Variants in C4orf51 observed in about 807,000 individuals in gnomAD.
C4orf51 encodes the protein chromosome 4 open reading frame 51.
Under a neutral mutation model 25.2 loss-of-function variants are expected in C4orf51, and 25 were observed. That is an observed-to-expected ratio of 0.99 (90% CI 0.72 to 1.39). C4orf51 has a LOEUF of 1.39. Ranked by LOEUF, C4orf51 falls within the 40% of genes most tolerant of loss-of-function variation. The pLI is 0.00. For missense variants in C4orf51, 252 were observed against 239.6 expected (o/e 1.05, Z -0.34); for synonymous variants, 100 against 84.5 (o/e 1.18, Z -1.01).
chr4:145,736,910 C>G (rs1488553609), downstream of C4orf51, among the ~76,000 whole-genome samples: 1 of 152,174 alleles, frequency 6.6e-6, no homozygotes, highest in Non-Finnish European at 1.5e-5. Flanking sequence ...AGAAGGCCTT[C>G]TGGGCAGAAT....
chr4:145,762,981 C>A lies in C4orf51; in HGVS notation n.167-8007C>A. On this transcript the variant is annotated intron_variant and non_coding_transcript_variant, in intron 1 of 1. Coordinates refer to the C4orf51 transcript ENST00000510096. The surrounding 1 kb of genome is among the most constrained non-coding windows in gnomAD (Gnocchi z 4.9). ...TGCACGGCCTCCTCAGCGCCAAGCT[C>A]GCCGTTAGCCTTTGAACCTCAGCTC... 9.1e-7 allele frequency: 1 copy of A among 1,101,848 alleles called. No individual in the cohort carries two copies. Among genetic ancestry groups the A allele is most frequent in the South Asian group, 1.5e-5 (1 of 65,902 alleles). The allele number at this position is 1,101,848 out of a possible 1,614,324, so 68.3% of individuals were successfully genotyped here. A position where few individuals can be genotyped will look rare whatever the true frequency, so the allele number is the denominator to read the frequency against.
downstream of C4orf51, chr4:145,774,684 G>T: frequency 6.2e-7 from 1 of 1,609,996 alleles, no homozygotes; most frequent in Non-Finnish European, 8.5e-7. Context: ...TACATGAAAG[G>T]GTAAAAGAAA....
chr4:145,772,755 A>T (rs1301267971), downstream of C4orf51, among the ~76,000 whole-genome samples: 1 of 152,260 alleles, frequency 6.6e-6, no homozygotes, highest in Non-Finnish European at 1.5e-5. Flanking sequence ...TGAATTAAAA[A>T]AGAAACTTCT....
intron 2 of C4orf51, among the ~76,000 whole-genome samples, chr4:145,718,112 TC>T (rs1159992162): frequency 5.9e-5 from 9 of 152,238 alleles, no homozygotes; most frequent in Non-Finnish European, 8.8e-5. Flanking sequence ...GTGCCCCACA[TC>T]TGTACTGCTC....
At chr4:145,689,140 CA>C (rs1409263383) in intron 1 of C4orf51, among the ~76,000 whole-genome samples, 1 of 151,966 alleles carries the variant, frequency 6.6e-6, no homozygotes, top group African/African-American at 2.4e-5. Context: ...AATTAAATAA[CA>C]AAGTGTAAAA....
At chr4:145,720,830 A>G in intron 2 of C4orf51, among the ~76,000 whole-genome samples, 1 of 152,130 alleles carries the variant, frequency 6.6e-6, no homozygotes, top group East Asian at 1.9e-4. Flanking sequence ...TCCCTCACCT[A>G]ATCACTGCTC....
chr4:145,762,223 A>G lies in C4orf51; in HGVS notation n.167-8765A>G, dbSNP rs1220354913. ...TGTGTACATATCTATGTACTCGTAA[A>G]ACATATCTCCCTACAGGACTAGCTC... On this transcript the variant is annotated intron_variant and non_coding_transcript_variant, in intron 1 of 1. Transcript: ENST00000510096. The surrounding 1 kb of genome is among the most constrained non-coding windows in gnomAD (Gnocchi z 4.9). Among the ~76,000 whole-genome samples, 2 of 152,004 alleles carry G rather than the reference A, an allele frequency of 1.3e-5. No homozygotes were observed. Among genetic ancestry groups the G allele is most frequent in the Admixed American group, 6.6e-5 (1 of 15,260 alleles).
chr4:145,776,644 A>G, the C4orf51 span, among the ~76,000 whole-genome samples: 118,254 of 151,884 alleles, frequency 0.78, 47,095 homozygotes, highest in African/African-American at 0.87. Context: ...TGTGTCAGTC[A>G]TGGGTGAGTG....
At chr4:145,778,421 A>G in the C4orf51 span, among the ~76,000 whole-genome samples, 1 of 152,232 alleles carries the variant, frequency 6.6e-6, no homozygotes, top group African/African-American at 2.4e-5. Context: ...GGCGTGAGCC[A>G]TCGCGCCCGA....
At chr4:145,774,750 C>G, downstream of C4orf51, 1 of 1,461,884 alleles carries the variant, frequency 6.8e-7, no homozygotes. Flanking sequence ...TCCATTTATA[C>G]ACAGTACACT....
chr4:145,708,518 A>C (rs1206233410), intron 2 of C4orf51, among the ~76,000 whole-genome samples: 1 of 152,188 alleles, frequency 6.6e-6, no homozygotes, highest in East Asian at 1.9e-4. Flanking sequence ...GGCATCCCCT[A>C]TTCATCCTTA....
At chr4:145,744,390 G>T (rs926413020) in intron 1 of C4orf51, among the ~76,000 whole-genome samples, 1 of 152,300 alleles carries the variant, frequency 6.6e-6, no homozygotes, top group Admixed American at 6.5e-5. Flanking sequence ...TACACATTTA[G>T]CTTCTTATCC....
chr4:145,684,762 T>C (rs1729042931), intron 1 of C4orf51, among the ~76,000 whole-genome samples: 1 of 152,056 alleles, frequency 6.6e-6, no homozygotes, highest in East Asian at 1.9e-4. Flanking sequence ...GAAAAACTGC[T>C]CTTAGAAAAA....
chr4:145,734,926 T>C (rs1053970533), downstream of C4orf51, among the ~76,000 whole-genome samples: 1 of 152,282 alleles, frequency 6.6e-6, no homozygotes. Context: ...TCGTCAACTT[T>C]TCTCCTTAGA....
chr4:145,684,080 C>G (rs889815246), intron 1 of C4orf51, among the ~76,000 whole-genome samples: 1 of 151,644 alleles, frequency 6.6e-6, no homozygotes, highest in East Asian at 1.9e-4. Context: ...CGAAAATATA[C>G]AAAGAACTCT....
At position 145,694,320 on chromosome 4, in the gene C4orf51, C is replaced by T. The variant is rs557278732; in HGVS notation, c.234-2239C>T. Among the ~76,000 whole-genome samples, 626 of 145,318 alleles carry T rather than the reference C, an allele frequency of 4.3e-3. 7 individuals carry two copies. The highest frequency in any genetic ancestry group is 7.4e-3 in the Non-Finnish European group (486 of 65,992). Reference sequence around the variant, plus strand: ...GCAGAGGGGCTCCTCACATCCCAGACGATGGGCAGCCAGGCAGAGACACTC... The same window carrying T: ...GCAGAGGGGCTCCTCACATCCCAGATGATGGGCAGCCAGGCAGAGACACTC... On this transcript the variant is annotated intron_variant, in intron 1 of 5. Transcript: ENST00000438731.
downstream of C4orf51, among the ~76,000 whole-genome samples, chr4:145,757,098 TTCTC>T (rs540667367): frequency 4.0e-5 from 6 of 151,796 alleles, no homozygotes; most frequent in South Asian, 2.1e-4. Context: ...TTTCATTTCT[TTCTC>T]TCTCTGTCTT....
the C4orf51 span, among the ~76,000 whole-genome samples, chr4:145,781,966 T>C: frequency 3.3e-5 from 5 of 152,310 alleles, no homozygotes; most frequent in African/African-American, 1.2e-4. Context: ...AGCTGAAGCA[T>C]CATGAACTGT....
intron 2 of C4orf51, among the ~76,000 whole-genome samples, chr4:145,707,059 G>A (rs769429672): frequency 5.3e-5 from 8 of 151,938 alleles, no homozygotes; most frequent in South Asian, 2.1e-4. Context: ...CAGGTGATCC[G>A]GCCCACCTCG....
Sources: gnomAD v4.1 joint callset for allele counts (sites outside exome capture counted in the v4.1 genomes callset) on GRCh38, gnomAD v4.1.1 for gene constraint, Gnocchi (gnomAD v3.1) non-coding constraint, MANE v1.5 for transcripts, NCBI Gene and HGNC (gene_info 2026-07-23, HGNC 2026-07-21) for gene names.